GHR: variants seen among roughly 807,000 people sequenced by gnomAD.
The protein encoded by GHR is GH receptor.
In GHR, 35 loss-of-function variants were observed where a neutral mutation model predicts 67.1. The ratio of observed to expected loss-of-function variants is 0.52; its 90% CI spans 0.40 to 0.69. The LOEUF (loss-of-function observed/expected upper bound fraction) is 0.69. GHR is among the 30% of genes least tolerant of loss of function. The pLI is 0.00. For missense variants in GHR, 792 were observed against 764.6 expected (o/e 1.04, Z -0.42); for synonymous variants, 272 against 269.1 (o/e 1.01, Z -0.10).
At chr5:42,674,782 G>A (rs759302562) in intron 3 of GHR, among the ~76,000 whole-genome samples, 2 of 151,954 alleles carry the variant, frequency 1.3e-5, no homozygotes, top group Non-Finnish European at 2.9e-5. Flanking sequence ...CTACTTTTCT[G>A]TTATTTTAAA....
chr5:42,715,334 T>C (rs929148097), intron 8 of GHR, among the ~76,000 whole-genome samples: 2 of 152,250 alleles, frequency 1.3e-5, no homozygotes, highest in Non-Finnish European at 2.9e-5. Context: ...AACAATTAAA[T>C]TGATACTGCA....
At chr5:42,607,851 A>G (rs1057288782) in intron 2 of GHR, among the ~76,000 whole-genome samples, 2 of 152,216 alleles carry the variant, frequency 1.3e-5, no homozygotes, top group Non-Finnish European at 2.9e-5. Context: ...TTCTTACAGA[A>G]CTTTCCTCTA....
At chr5:42,667,072 C>T (rs906105610) in intron 3 of GHR, among the ~76,000 whole-genome samples, 3 of 152,124 alleles carry the variant, frequency 2.0e-5, no homozygotes, top group Non-Finnish European at 4.4e-5. Context: ...ACACTAACTT[C>T]CATGACTACC....
At chr5:42,475,820 T>TCC (rs910364168) in intron 1 of GHR, among the ~76,000 whole-genome samples, 7 of 152,076 alleles carry the variant, frequency 4.6e-5, no homozygotes, top group African/African-American at 1.4e-4. Flanking sequence ...TGGAGCTTTT[T>TCC]CCCCCCTCTT....
chr5:42,624,573 A>C (rs1200742258), intron 2 of GHR, among the ~76,000 whole-genome samples: 3 of 152,222 alleles, frequency 2.0e-5, no homozygotes, highest in Admixed American at 2.0e-4. Context: ...ATGAATTTGG[A>C]GATAAGTATA....
chr5:42,588,673 G>A (rs187719243), intron 2 of GHR, among the ~76,000 whole-genome samples: 283 of 152,016 alleles, frequency 1.9e-3, no homozygotes, highest in African/African-American at 6.6e-3. Context: ...TTTCTGACTG[G>A]AAATTCTGCC....
chr5:42,556,812 G>A (rs988241360), intron 1 of GHR, among the ~76,000 whole-genome samples: 8 of 152,140 alleles, frequency 5.3e-5, no homozygotes, highest in Admixed American at 2.6e-4. Flanking sequence ...AGAATGCTTC[G>A]TTCTTTGAGA....
At chr5:42,674,121 A>G (rs1273700322) in intron 3 of GHR, among the ~76,000 whole-genome samples, 3 of 152,140 alleles carry the variant, frequency 2.0e-5, no homozygotes, top group Non-Finnish European at 2.9e-5. Context: ...TGCTTCAGCT[A>G]AGTTTCATTT....
intron 3 of GHR, among the ~76,000 whole-genome samples, chr5:42,634,414 G>A (rs1051919582): frequency 6.6e-6 from 1 of 151,698 alleles, no homozygotes; most frequent in African/African-American, 2.4e-5. Flanking sequence ...TTAATAAATT[G>A]AACTATCTCT....
At chr5:42,514,104 A>G in intron 1 of GHR, 4 of 984,878 alleles carry the variant, frequency 4.1e-6, no homozygotes, top group Non-Finnish European at 3.6e-6. Context: ...TTCTTTAACC[A>G]GAACTGACCT....
At chr5:42,524,787 C>T (rs1252962611) in intron 1 of GHR, among the ~76,000 whole-genome samples, 1 of 152,166 alleles carries the variant, frequency 6.6e-6, no homozygotes, top group African/African-American at 2.4e-5. Context: ...TGCTCTATGT[C>T]CCACCTGCTC....
intron 1 of GHR, among the ~76,000 whole-genome samples, chr5:42,432,326 C>T (rs1405287180): frequency 2.0e-5 from 3 of 152,060 alleles, no homozygotes; most frequent in Non-Finnish European, 2.9e-5. Flanking sequence ...AAAACAGAAT[C>T]GCAGATAGTT....
chr5:42,548,853 G>C (rs1748870030), intron 1 of GHR, among the ~76,000 whole-genome samples: 1 of 152,070 alleles, frequency 6.6e-6, no homozygotes, highest in Admixed American at 6.6e-5. Context: ...ATATAATTTT[G>C]GTTTTCAAAG....
intron 3 of GHR, among the ~76,000 whole-genome samples, chr5:42,667,065 C>G (rs757829319): frequency 6.6e-6 from 1 of 152,118 alleles, no homozygotes; most frequent in Non-Finnish European, 1.5e-5. Flanking sequence ...GAATCTAACA[C>G]TAACTTCCAT....
At chr5:42,642,419 C>G (rs1185556117) in intron 3 of GHR, among the ~76,000 whole-genome samples, 1 of 152,032 alleles carries the variant, frequency 6.6e-6, no homozygotes, top group Non-Finnish European at 1.5e-5. Flanking sequence ...TTTATGATTA[C>G]TTTCTCTACA....
Position 42,678,511 on chromosome 5 carries a change from TA to T in GHR, c.137-10372del, listed in dbSNP as rs575183058. 2.1e-3 allele frequency among the ~76,000 whole-genome samples: 317 copies of T among 152,252 alleles called. 1 individual carries two copies. Among genetic ancestry groups the T allele is most frequent in the African/African-American group, 7.4e-3 (306 of 41,534 alleles). Reference sequence around the variant, plus strand: ...ATAATCCCTGATCGCCATGCTGTCATAAAAAAACGTTAAATGATGTTTAACA... The same window carrying T: ...ATAATCCCTGATCGCCATGCTGTCATAAAAAACGTTAAATGATGTTTAACA... On this transcript the variant is annotated intron_variant, in intron 3 of 9. Coordinates refer to ENST00000230882, the MANE Select transcript of GHR (RefSeq NM_000163.5).
At chr5:42,496,714 T>A (rs1278229267) in intron 1 of GHR, among the ~76,000 whole-genome samples, 1 of 152,182 alleles carries the variant, frequency 6.6e-6, no homozygotes, top group Non-Finnish European at 1.5e-5. Context: ...TCATCTGTAA[T>A]TTATCCCCTT....
intron 1 of GHR, among the ~76,000 whole-genome samples, chr5:42,538,368 T>G (rs1426164068): frequency 2.0e-5 from 3 of 152,248 alleles, no homozygotes; most frequent in Non-Finnish European, 2.9e-5. Context: ...TAGTGCTGGC[T>G]TGGCAGGGGC....
chr5:42,699,801 T>C, intron 5 of GHR, 23 bp from the exon 6 acceptor site: 1 of 1,524,818 alleles, frequency 6.6e-7, no homozygotes, highest in East Asian at 2.3e-5. Context: ...GTCTGTGTAC[T>C]AATGCTCTGT....
Sources: allele counts gnomAD v4.1 joint callset (sites outside exome capture counted in the v4.1 genomes callset), GRCh38; gene constraint gnomAD v4.1.1; transcripts MANE v1.5; gene names NCBI Gene and HGNC (gene_info 2026-07-23, HGNC 2026-07-21).